The following NDRG3 variants were observed in gnomAD, a reference collection of about 807,000 sequenced individuals.
NDRG3 encodes the protein protein NDRG3.
Under a neutral mutation model 57.2 loss-of-function variants are expected in NDRG3, and 23 were observed. The observed-to-expected ratio is 0.40, with a 90% CI of 0.29 to 0.57. The LOEUF (loss-of-function observed/expected upper bound fraction) is 0.57, where lower values mean the gene tolerates loss of function less well. Ranked by LOEUF, NDRG3 falls within the 20% of genes least tolerant of loss-of-function variation. The pLI, the probability that NDRG3 is intolerant of heterozygous loss-of-function variation, is 0.42. For missense variants in NDRG3, 384 were observed against 457.3 expected (o/e 0.84, Z 1.46); for synonymous variants, 132 against 162.6 (o/e 0.81, Z 1.43).
intron 12 of NDRG3, among the ~76,000 whole-genome samples, chr20:36,664,209 T>C (rs2148038101): frequency 6.6e-6 from 1 of 152,278 alleles, no homozygotes; most frequent in Admixed American, 6.5e-5. Context: ...AAAAATGCTA[T>C]CAGTAGTGTT....
chr20:36,727,621 A>G (rs923288957), intron 1 of NDRG3, among the ~76,000 whole-genome samples: 9 of 149,016 alleles, frequency 6.0e-5, no homozygotes, highest in Non-Finnish European at 1.2e-4. Flanking sequence ...AGCTCACTGC[A>G]AGCTCCGCCT....
intron 1 of NDRG3, among the ~76,000 whole-genome samples, chr20:36,729,173 C>T (rs1037870785): frequency 6.6e-6 from 1 of 152,168 alleles, no homozygotes; most frequent in African/African-American, 2.4e-5. Context: ...TAAAGCAATC[C>T]TATACATACC....
intron 4 of NDRG3, 61 bp downstream of exon 4, chr20:36,688,618 G>T (rs1451950914): frequency 6.5e-6 from 8 of 1,228,882 alleles, no homozygotes; most frequent in Non-Finnish European, 8.4e-6. Flanking sequence ...GTTGTTGTTT[G>T]GTTTTTAACA....
At position 36,683,187 on chromosome 20, in the gene NDRG3, T is replaced by G. The variant is rs182527258; in HGVS notation, c.384-609A>C. On this transcript the variant is annotated intron_variant, in intron 6 of 15. Coordinates refer to ENST00000349004, the MANE Select transcript of NDRG3 (RefSeq NM_032013.4). ...TGAACCCGGGAGGTGGAGCTTGCAG[T>G]GAGCCGAGAATGCGCCACTGCACTC... Among the ~76,000 whole-genome samples, 4 of 151,866 alleles carry G rather than the reference T, an allele frequency of 2.6e-5. No homozygotes were observed. The East Asian group carries it at 7.7e-4, about 29-fold the overall frequency.
chr20:36,662,230 CTT>C (rs749800383), intron 12 of NDRG3, among the ~76,000 whole-genome samples: 19 of 139,136 alleles, frequency 1.4e-4, no homozygotes, highest in Admixed American at 1.4e-4. Context: ...TTTTCTTTTT[CTT>C]TTTTTTTTTT....
At chr20:36,739,837 T>G (rs909910545) in intron 1 of NDRG3, among the ~76,000 whole-genome samples, 1 of 139,616 alleles carries the variant, frequency 7.2e-6, no homozygotes, top group African/African-American at 2.7e-5. Flanking sequence ...GTGAACCTGG[T>G]AGGCGGAGCT....
chr20:36,723,659 A>AGTGTGTGT (rs36022065), intron 1 of NDRG3, among the ~76,000 whole-genome samples: 3,967 of 132,866 alleles, frequency 0.03, 78 homozygotes, highest in African/African-American at 0.035. Flanking sequence ...ATATTAGTCT[A>AGTGTGTGT]GTGTGTGTGT....
intron 1 of NDRG3, among the ~76,000 whole-genome samples, chr20:36,734,647 C>T (rs1206561457): frequency 6.6e-6 from 1 of 152,074 alleles, no homozygotes; most frequent in Non-Finnish European, 1.5e-5. Flanking sequence ...GTTTCTCAAC[C>T]TTGGCACAAC....
chr20:36,692,512 C>T (rs951937405), intron 3 of NDRG3, among the ~76,000 whole-genome samples: 9 of 152,140 alleles, frequency 5.9e-5, no homozygotes, highest in African/African-American at 2.2e-4. Context: ...GCGTGAGCCA[C>T]CGTGCCCCAC....
In NDRG3 at chr20:36,737,304, C is replaced by T. The variant is rs371996959; in HGVS notation, c.-49+8741G>A. 2.8e-4 allele frequency among the ~76,000 whole-genome samples: 43 copies of T among 152,158 alleles called. 1 individual carries two copies. In the South Asian group the frequency reaches 8.9e-3, roughly 32 times the overall value. ...CTCCTGAAGAAGGCAACTCAGGACA[C>T]GAGGAAAGCTACCACCAGCAAAGCC... On this transcript the variant is annotated intron_variant, in intron 1 of 15. Coordinates refer to ENST00000349004, the MANE Select transcript of NDRG3 (RefSeq NM_032013.4).
intron 12 of NDRG3, among the ~76,000 whole-genome samples, chr20:36,662,583 TAGG>T (rs780754986): frequency 2.4e-4 from 36 of 152,180 alleles, no homozygotes; most frequent in Non-Finnish European, 4.9e-4. Flanking sequence ...ACTGAGTAAA[TAGG>T]AGATGCTCAA....
chr20:36,697,883 T>A (rs1373571310), intron 3 of NDRG3, among the ~76,000 whole-genome samples: 1 of 152,098 alleles, frequency 6.6e-6, no homozygotes, highest in Non-Finnish European at 1.5e-5. Context: ...CTACATATAG[T>A]TTATACAATC....
chr20:36,722,059 T>C (rs1984624983), intron 1 of NDRG3, among the ~76,000 whole-genome samples: 1 of 152,198 alleles, frequency 6.6e-6, no homozygotes, highest in South Asian at 2.1e-4. Context: ...TGATGGAATG[T>C]ACATGAGTGA....
At chr20:36,675,841 T>G (rs1600877297) in intron 8 of NDRG3, among the ~76,000 whole-genome samples, 1 of 152,182 alleles carries the variant, frequency 6.6e-6, no homozygotes, top group Admixed American at 6.5e-5. Flanking sequence ...AGACTCTTGA[T>G]ACATTTGACA....
At position 36,656,397 on chromosome 20, in the gene NDRG3, G is replaced by A. The variant is rs749879469; in HGVS notation, c.909C>T (p.Thr303=). Residue 303 remains threonine, a synonymous_variant, in exon 15 of 16, where the codon ACC becomes ACT. Transcript: ENST00000349004. ...LPQVVQPGKL[T]EAFKYFLQGM... ...CCTGCAAAAAGTACTTGAAGGCCTC[G>A]GTGAGCTTCCCAGGCTGGGGGGATA... 13 of 1,613,942 alleles carry A rather than the reference G, an allele frequency of 8.1e-6. No homozygotes were observed. The highest frequency in any genetic ancestry group is 3.3e-5 in the Admixed American group (2 of 59,964).
chr20:36,730,808 C>T (rs1367837257), intron 1 of NDRG3, among the ~76,000 whole-genome samples: 2 of 151,456 alleles, frequency 1.3e-5, no homozygotes, highest in Non-Finnish European at 2.9e-5. Context: ...ATTAGCCAGG[C>T]GTGGTGGTAA....
intron 8 of NDRG3, among the ~76,000 whole-genome samples, chr20:36,675,887 A>G (rs1980647207): frequency 6.6e-6 from 1 of 152,166 alleles, no homozygotes; most frequent in South Asian, 2.1e-4. Flanking sequence ...TTTATCCTGC[A>G]ATGGTGTATT....
intron 6 of NDRG3, among the ~76,000 whole-genome samples, chr20:36,684,035 C>T (rs527609284): frequency 6.6e-6 from 1 of 152,294 alleles, no homozygotes; most frequent in South Asian, 2.1e-4. Flanking sequence ...CTCACTGTTA[C>T]TCAGGCTGGA....
intron 8 of NDRG3, among the ~76,000 whole-genome samples, chr20:36,677,180 C>T (rs954242623): frequency 6.6e-6 from 1 of 152,200 alleles, no homozygotes; most frequent in Non-Finnish European, 1.5e-5. Flanking sequence ...GCTGCAGCCG[C>T]CCTCCCAGGC....
Sources: allele counts gnomAD v4.1 joint callset (sites outside exome capture counted in the v4.1 genomes callset), GRCh38; gene constraint gnomAD v4.1.1; transcripts MANE v1.5; gene names NCBI Gene and HGNC (gene_info 2026-07-23, HGNC 2026-07-21).